MMP26: variants seen among roughly 807,000 people sequenced by gnomAD.
MMP26 encodes matrix metallopeptidase 26, also known as matrix metalloproteinase-26.
A neutral mutation model predicts 31.0 loss-of-function variants in MMP26; 33 were observed. The ratio of observed to expected loss-of-function variants is 1.06; its 90% CI spans 0.81 to 1.42. MMP26 has a LOEUF of 1.42. Among genes scored for constraint, MMP26 ranks in the 40% most tolerant of loss-of-function variants. The pLI is 0.00. For synonymous variants in MMP26, 122 were observed against 114.9 expected (o/e 1.06, Z -0.40); for missense variants, 347 against 316.1 (o/e 1.10, Z -0.74).
At chr11:4,986,886 ACTTC>A (rs1485988143) in intron 2 of MMP26, among the ~76,000 whole-genome samples, 1 of 90,610 alleles carries the variant, frequency 1.1e-5, no homozygotes, top group East Asian at 3.6e-4. Context: ...GAGTTCTGTG[ACTTC>A]CTTCCTTCCT....
chr11:4,974,657 C>T (rs1846712023), intron 2 of MMP26, among the ~76,000 whole-genome samples: 1 of 152,100 alleles, frequency 6.6e-6, no homozygotes, highest in South Asian at 2.1e-4. Flanking sequence ...TGTTTCCTCA[C>T]TACCATAGAT....
At chr11:4,821,864 T>G in intron 2 of MMP26, 2 of 1,613,982 alleles carry the variant, frequency 1.2e-6, no homozygotes, top group Non-Finnish European at 1.7e-6. Flanking sequence ...AAGATTGGGA[T>G]GAGCATGTTG....
At chr11:4,826,336 T>C (rs1849577955) in intron 2 of MMP26, among the ~76,000 whole-genome samples, 1 of 152,032 alleles carries the variant, frequency 6.6e-6, no homozygotes, top group Non-Finnish European at 1.5e-5. Flanking sequence ...TCTGGATAAG[T>C]TGAGTGACTA....
intron 2 of MMP26, among the ~76,000 whole-genome samples, chr11:4,802,512 T>C (rs1396043218): frequency 1.3e-5 from 2 of 152,176 alleles, no homozygotes; most frequent in Admixed American, 6.5e-5. Flanking sequence ...TTGTATTCAA[T>C]TTTGGAGAAA....
rs190272373 is a variant in MMP26 at position 4,907,020 on chromosome 11, C to T, written c.-144-81048C>T. Among the ~76,000 whole-genome samples the T allele has an allele frequency of 5.3e-3, 731 of 137,760 alleles. 5 individuals carry two copies. Among genetic ancestry groups the T allele is most frequent in the Middle Eastern group, 0.017 (4 of 236 alleles). The allele number at this position is 137,760 out of a possible 152,430, so 90.4% of individuals were successfully genotyped here. On this transcript the variant is annotated intron_variant, in intron 2 of 7. Transcript: ENST00000380390. ...CTGAGGCAGGAGAATCACTTGATCG[C>T]GGGAGGTGGAGGTTGCAGCAAGCTG...
chr11:4,846,245 T>C (rs932307271), intron 2 of MMP26, among the ~76,000 whole-genome samples: 1 of 152,124 alleles, frequency 6.6e-6, no homozygotes, highest in Non-Finnish European at 1.5e-5. Flanking sequence ...ATCCTATCAT[T>C]TGCAACAGTA....
intron 2 of MMP26, among the ~76,000 whole-genome samples, chr11:4,857,037 A>G (rs1418712436): frequency 6.6e-6 from 1 of 152,224 alleles, no homozygotes; most frequent in East Asian, 1.9e-4. Flanking sequence ...GAACAAAGAC[A>G]CAACATACCA....
chr11:4,730,404 A>AGAGAGAGAGAGAGAGAGAGAG (rs1848157903), intron 1 of MMP26, among the ~76,000 whole-genome samples: 4 of 144,952 alleles, frequency 2.8e-5, no homozygotes, highest in African/African-American at 1.1e-4. Flanking sequence ...GTTTCTGGGA[A>AGAGAGAGAGAGAGAGAGAGAG]AGAGAGAGAG....
chr11:4,940,328 A>T, intron 2 of MMP26, among the ~76,000 whole-genome samples: 1 of 152,130 alleles, frequency 6.6e-6, no homozygotes. Flanking sequence ...TGCCCACCAA[A>T]GTGTACACTC....
chr11:4,843,178 A>C (rs935934989), intron 2 of MMP26, among the ~76,000 whole-genome samples: 1 of 152,132 alleles, frequency 6.6e-6, no homozygotes, highest in African/African-American at 2.4e-5. Context: ...GGTGCAAGCT[A>C]TCGGTGGATC....
intron 2 of MMP26, among the ~76,000 whole-genome samples, chr11:4,807,340 C>T (rs1160858483): frequency 6.6e-6 from 1 of 152,134 alleles, no homozygotes; most frequent in East Asian, 1.9e-4. Flanking sequence ...AGCATCTATT[C>T]ATGATAGCAA....
rs759817229 is a variant in MMP26, at chr11:4,891,260, G to A, written c.-144-96808G>A. Among the ~76,000 whole-genome samples, 146 of 152,196 alleles carry A rather than the reference G, an allele frequency of 9.6e-4. No homozygotes were observed. In the Middle Eastern group the frequency reaches 0.017, roughly 18 times the overall value. ...TCTAGCATGGCACTGCCATCTGGTT[G>A]GGCTCTGGGGAGGCCTCAGGGAGCT... On this transcript the variant is annotated intron_variant, in intron 2 of 7. Transcript: ENST00000380390.
At chr11:4,924,146 A>G in intron 2 of MMP26, 3 of 1,614,208 alleles carry the variant, frequency 1.9e-6, no homozygotes, top group Non-Finnish European at 2.5e-6. Context: ...TAGCATGCCC[A>G]AGAAATAGTA....
At chr11:4,986,905 T>TCCTTTC (rs1846899080) in intron 2 of MMP26, among the ~76,000 whole-genome samples, 1 of 48,646 alleles carries the variant, frequency 2.1e-5, no homozygotes, top group African/African-American at 8.5e-5. Context: ...CTTCCTTCCT[T>TCCTTTC]TCTCTCTCTC....
At chr11:4,851,418 T>C (rs1293926134) in intron 2 of MMP26, among the ~76,000 whole-genome samples, 1 of 152,108 alleles carries the variant, frequency 6.6e-6, no homozygotes, top group Non-Finnish European at 1.5e-5. Flanking sequence ...GGTGAGGATT[T>C]AACACAGAGT....
At chr11:4,923,662 G>A (rs34583466) in intron 2 of MMP26, 18 of 1,613,856 alleles carry the variant, frequency 1.1e-5, no homozygotes, top group South Asian at 7.7e-5. Context: ...TGCTGAGCAC[G>A]GTGCGAAGGA....
intron 2 of MMP26, among the ~76,000 whole-genome samples, chr11:4,835,203 GACACACAC>G (rs3064937): frequency 4.9e-5 from 7 of 143,126 alleles, no homozygotes; most frequent in Admixed American, 7.0e-5. Flanking sequence ...CTCTCTTTCT[GACACACAC>G]ACACACACAC....
At chr11:4,923,820 G>A in intron 2 of MMP26, 1 of 1,614,000 alleles carries the variant, frequency 6.2e-7, no homozygotes, top group Non-Finnish European at 8.5e-7. Context: ...GCCAGCACAT[G>A]GGAGTGGCAG....
intron 2 of MMP26, among the ~76,000 whole-genome samples, chr11:4,984,958 T>C (rs1023374528): frequency 2.6e-5 from 4 of 151,678 alleles, no homozygotes; most frequent in Admixed American, 2.0e-4. Flanking sequence ...ACTTAGAGGA[T>C]TTTTTTTTAT....
Sources: allele counts gnomAD v4.1 joint callset (sites outside exome capture counted in the v4.1 genomes callset), GRCh38; gene constraint gnomAD v4.1.1; transcripts MANE v1.5; gene names NCBI Gene and HGNC (gene_info 2026-07-23, HGNC 2026-07-21).